AGBL3: variants seen among roughly 807,000 people sequenced by gnomAD.
AGBL3 encodes the protein cytosolic carboxypeptidase 3.
AGBL3 carries 68 observed loss-of-function variants against 94.5 expected under a neutral mutation model. The ratio of observed to expected loss-of-function variants is 0.72; its 90% CI spans 0.59 to 0.88. The LOEUF (loss-of-function observed/expected upper bound fraction) is 0.88. Among genes scored for constraint, AGBL3 ranks in the 40% least tolerant of loss-of-function variants. AGBL3 has a pLI of 0.00. For missense variants in AGBL3, 934 were observed against 1,103.8 expected, an observed-to-expected ratio of 0.85 and a Z score of 2.18; for synonymous variants, 354 against 370.7, an observed-to-expected ratio of 0.95 and a Z score of 0.52.
At chr7:135,123,467 C>T (rs1208528821) in intron 16 of AGBL3, among the ~76,000 whole-genome samples, 1 of 152,086 alleles carries the variant, frequency 6.6e-6, no homozygotes, top group Non-Finnish European at 1.5e-5. Context: ...GGAAAACACG[C>T]TTTATGATAT....
intron 8 of AGBL3, among the ~76,000 whole-genome samples, chr7:135,043,153 T>G (rs1465148208): frequency 6.6e-6 from 1 of 152,152 alleles, no homozygotes; most frequent in Non-Finnish European, 1.5e-5. Flanking sequence ...GTATAAAATT[T>G]TATCCCAACA....
chr7:135,041,833 G>C (rs1264580184), intron 8 of AGBL3, among the ~76,000 whole-genome samples: 2 of 152,074 alleles, frequency 1.3e-5, no homozygotes, highest in African/African-American at 2.4e-5. Flanking sequence ...TAACTGAATA[G>C]TAATAAAACA....
At chr7:135,078,583 C>G (rs920940997) in intron 13 of AGBL3, among the ~76,000 whole-genome samples, 1 of 151,956 alleles carries the variant, frequency 6.6e-6, no homozygotes, top group African/African-American at 2.4e-5. Flanking sequence ...GTTTTCCTCA[C>G]GTATCCAAGC....
At chr7:135,037,359 G>C in intron 7 of AGBL3, 59 bp from the exon 8 acceptor site, 1 of 1,401,918 alleles carries the variant, frequency 7.1e-7, no homozygotes, top group Non-Finnish European at 9.5e-7. Context: ...ATCCATAGTT[G>C]TACCTATAGA....
At chr7:135,127,333 G>C (rs1005740366) in intron 16 of AGBL3, among the ~76,000 whole-genome samples, 7 of 151,612 alleles carry the variant, frequency 4.6e-5, no homozygotes, top group African/African-American at 1.7e-4. Context: ...AGGGTGGGTG[G>C]ATCACGAGGT....
At position 135,135,219 on chromosome 7, in the gene AGBL3, T is replaced by C. The variant is rs1339964626; in HGVS notation, c.2721T>C (p.Asp907=). ...KNKDEQANKN[D]GQPTLYLKFQ... is the part of the protein sequence containing the mutation. ...AGGATGAGCAGGCCAATAAGAATGA[T>C]GGACAACCCACCTTATATCTGAAGT... The change falls in exon 17 of 17, where the codon GAT becomes GAC. Residue 907 remains aspartate, a synonymous_variant. Transcript: ENST00000436302. 3 of 1,542,182 alleles carry C rather than the reference T, an allele frequency of 1.9e-6. No homozygotes were observed. The highest frequency in any genetic ancestry group is 2.6e-6 in the Non-Finnish European group (3 of 1,143,454).
chr7:135,134,816 T>C lies in AGBL3; in HGVS notation c.2343-25T>C, dbSNP rs1047109076. ...AAAGTAGGTCCATGATGGACAAAAA[T>C]TCACGTATTTCATTTCTTTTCTAGA... On this transcript the variant is annotated intron_variant, in intron 16 of 16. Coordinates refer to ENST00000436302, the MANE Select transcript of AGBL3 (RefSeq NM_178563.4). 13 of 1,541,688 alleles carry C rather than the reference T, an allele frequency of 8.4e-6. No homozygotes were observed. The African/African-American group carries it at 1.8e-4, about 21-fold the overall frequency.
chr7:135,084,713 A>G (rs941691559), intron 15 of AGBL3, among the ~76,000 whole-genome samples: 1 of 152,132 alleles, frequency 6.6e-6, no homozygotes, highest in Admixed American at 6.6e-5. Context: ...CATTGTGTAT[A>G]TATACCATAT....
chr7:134,999,662 C>T (rs1236189570), intron 4 of AGBL3, among the ~76,000 whole-genome samples: 1 of 152,180 alleles, frequency 6.6e-6, no homozygotes, highest in African/African-American at 2.4e-5. Flanking sequence ...AGGATGGTGC[C>T]CCACATGGGG....
intron 15 of AGBL3, among the ~76,000 whole-genome samples, chr7:135,098,727 G>A (rs1436538543): frequency 6.6e-6 from 1 of 152,130 alleles, no homozygotes; most frequent in Non-Finnish European, 1.5e-5. Context: ...AAAGGCTGCA[G>A]GCAGTTCAGA....
intron 5 of AGBL3, among the ~76,000 whole-genome samples, chr7:135,021,292 A>C (rs932931608): frequency 1.4e-5 from 2 of 148,026 alleles, no homozygotes; most frequent in South Asian, 2.1e-4. Context: ...CCATCATTTT[A>C]CTTTTTTTTT....
intron 15 of AGBL3, among the ~76,000 whole-genome samples, chr7:135,110,448 C>T (rs982395176): frequency 6.6e-6 from 1 of 152,162 alleles, no homozygotes; most frequent in East Asian, 1.9e-4. Context: ...CTCCATGTAT[C>T]AATAACCCTA....
At position 135,134,864 on chromosome 7, in the gene AGBL3, A is replaced by C. The variant is rs768611754; in HGVS notation, c.2366A>C (p.Asn789Thr). 24 of 1,549,608 alleles carry C rather than the reference A, an allele frequency of 1.5e-5. No homozygotes were observed. The African/African-American group carries it at 3.0e-4, about 19-fold the overall frequency. ...AGACTAAATCCGGCTACTTGCAGAA[A>C]TATAAAGAAATACAGCACATCTTGG... The part of the protein sequence containing the change: ...QHQLNPATCR[N>T]IKKYSTSWTA... Residue 789 changes from asparagine to threonine, a missense_variant, in exon 17 of 17, where the codon AAT becomes ACT. This residue lies in a region of AGBL3 where 441 missense variants were observed against 518.2 expected (regional missense o/e 0.85). Coordinates refer to ENST00000436302, the MANE Select transcript of AGBL3 (RefSeq NM_178563.4).
At position 135,037,518 on chromosome 7, in the gene AGBL3, A is replaced by G. The variant is rs1376449674; in HGVS notation, c.1438A>G (p.Lys480Glu). The G allele has an allele frequency of 1.9e-6, 3 of 1,549,108 alleles. No homozygotes were observed. Among genetic ancestry groups the G allele is most frequent in the African/African-American group, 1.4e-5 (1 of 73,000 alleles). ...MYGCDGSDRS[K>E]TLYLQQRIFP... ...TGGCTGTGATGGTAGTGACAGATCT[A>G]AGACATTATACTTACAGCAACGAAT... Residue 480 changes from lysine (K) to glutamate (E), a missense_variant, in exon 8 of 17, where the codon AAG becomes GAG. Coordinates refer to ENST00000436302, the MANE Select transcript of AGBL3 (RefSeq NM_178563.4).
chr7:135,042,851 G>A (rs775501422), intron 8 of AGBL3, among the ~76,000 whole-genome samples: 19 of 152,112 alleles, frequency 1.2e-4, no homozygotes, highest in Non-Finnish European at 2.5e-4. Context: ...GTTTGAGACT[G>A]CAGTGAGCTA....
At chr7:134,992,273 G>A (rs1810385904) in intron 3 of AGBL3, among the ~76,000 whole-genome samples, 1 of 152,172 alleles carries the variant, frequency 6.6e-6, no homozygotes, top group Admixed American at 6.5e-5. Context: ...AGTGTGTCCA[G>A]CCACAACAGT....
chr7:134,991,865 A>T (rs532434467), intron 3 of AGBL3, among the ~76,000 whole-genome samples: 2 of 152,166 alleles, frequency 1.3e-5, no homozygotes, highest in Middle Eastern at 6.8e-3. Flanking sequence ...AGCCATTTGC[A>T]CCACCACACT....
intron 3 of AGBL3, among the ~76,000 whole-genome samples, chr7:134,989,890 C>A (rs762447945): frequency 6.6e-6 from 1 of 151,798 alleles, no homozygotes; most frequent in African/African-American, 2.4e-5. Context: ...GAAATAACCA[C>A]CATTCTTAGT....
intron 15 of AGBL3, among the ~76,000 whole-genome samples, chr7:135,097,281 C>T (rs1483197600): frequency 6.6e-6 from 1 of 151,984 alleles, no homozygotes; most frequent in Non-Finnish European, 1.5e-5. Context: ...CAGATCTTAC[C>T]AACAATAATG....
Sources: allele counts gnomAD v4.1 joint callset (sites outside exome capture counted in the v4.1 genomes callset), GRCh38; gene constraint gnomAD v4.1.1; regional missense constraint gnomAD v4.1.1; transcripts MANE v1.5; gene names NCBI Gene and HGNC (gene_info 2026-07-23, HGNC 2026-07-21).